SEC22A: variants seen among roughly 807,000 people sequenced by gnomAD.
SEC22A encodes SEC22 homolog A, vesicle trafficking protein, also known as vesicle-trafficking protein SEC22a.
In SEC22A, 22 loss-of-function variants were observed where a neutral mutation model predicts 35.3. That is an observed-to-expected ratio of 0.62 (90% CI 0.45 to 0.89). The LOEUF is 0.89. Among genes scored for constraint, SEC22A ranks in the 40% least tolerant of loss-of-function variants. The probability of loss-of-function intolerance (pLI) is 0.00; values close to 1 mark genes in which losing one functional copy is unlikely to be tolerated. For synonymous variants in SEC22A, 119 were observed against 129.5 expected (o/e 0.92, Z 0.55); for missense variants, 354 against 362.5 (o/e 0.98, Z 0.19).
intron 6 of SEC22A, among the ~76,000 whole-genome samples, chr3:123,264,918 A>T (rs1262885685): frequency 6.6e-6 from 1 of 151,992 alleles, no homozygotes; most frequent in Non-Finnish European, 1.5e-5. Context: ...AAGCTCTGGG[A>T]TTATAAGCGT....
intron 4 of SEC22A, among the ~76,000 whole-genome samples, chr3:123,227,603 A>G (rs576764295): frequency 1.3e-5 from 2 of 152,350 alleles, no homozygotes; most frequent in South Asian, 4.1e-4. Flanking sequence ...CTTAAAGTAT[A>G]ATAAAAAAAG....
intron 4 of SEC22A, among the ~76,000 whole-genome samples, chr3:123,239,632 A>C (rs1937489147): frequency 6.6e-6 from 1 of 152,104 alleles, no homozygotes; most frequent in Non-Finnish European, 1.5e-5. Flanking sequence ...TCTTCTTTTG[A>C]GAAGTGTATG....
At chr3:123,209,829 CTATT>C (rs1240901362) in intron 2 of SEC22A, among the ~76,000 whole-genome samples, 1 of 152,064 alleles carries the variant, frequency 6.6e-6, no homozygotes, top group African/African-American at 2.4e-5. Context: ...TAGAGAGTGA[CTATT>C]TATTGTGGTC....
At chr3:123,244,729 T>C (rs1485499695) in intron 4 of SEC22A, among the ~76,000 whole-genome samples, 1 of 152,224 alleles carries the variant, frequency 6.6e-6, no homozygotes, top group Non-Finnish European at 1.5e-5. Context: ...AAACCCGCCC[T>C]TATATTAATG....
Position 123,223,593 on chromosome 3 carries a change from T to G in SEC22A, c.217T>G (p.Leu73Val). ...ISSLGVSYMM[L>V]CTENYPNVLA... ...CTCTCTGGGAGTGAGCTACATGATG[T>G]TGTGCACTGAAAATTACCCAAATGT... The change falls in exon 3 of 7, where the codon TTG (leucine) becomes GTG (valine). Residue 73 changes from leucine to valine, a missense_variant. By Grantham distance (32) the Leu-to-Val change is conservative. Transcript: ENST00000492595. The G allele has an allele frequency of 6.2e-7, 1 of 1,613,826 alleles. No individual in the cohort carries two copies. Among genetic ancestry groups the G allele is most frequent in the South Asian group, 1.1e-5 (1 of 91,070 alleles).
chr3:123,233,237 C>A (rs982390775), intron 4 of SEC22A, among the ~76,000 whole-genome samples: 6 of 152,114 alleles, frequency 3.9e-5, no homozygotes, highest in African/African-American at 1.2e-4. Context: ...TTTACTGCAC[C>A]TTTTCTATGT....
chr3:123,221,197 G>A (rs750636142), intron 2 of SEC22A, among the ~76,000 whole-genome samples: 3 of 151,776 alleles, frequency 2.0e-5, no homozygotes, highest in Non-Finnish European at 2.9e-5. Flanking sequence ...TAGGCCGGGC[G>A]TGGTGACTTA....
rs1936899013 is a variant in SEC22A, at chr3:123,209,290, G to A, written c.73G>A (p.Glu25Lys). 1.2e-6 allele frequency: 2 copies of A among 1,614,052 alleles called. No individual in the cohort carries two copies. The highest frequency in any genetic ancestry group is 1.7e-6 in the Non-Finnish European group (2 of 1,179,976). Residue 25 changes from glutamate (E) to lysine (K), a missense_variant, in exon 2 of 7, where the codon GAA becomes AAA. Physicochemically the swap from Glu to Lys is moderately conservative, Grantham distance 56. Coordinates refer to ENST00000492595, the MANE Select transcript of SEC22A (RefSeq NM_012430.5). ...GLPLSASTDY[E>K]QSTGMQECRK... ...GCCACTTTCTGCTTCTACTGATTAT[G>A]AACAAAGCACAGGAATGCAGGAGTG...
chr3:123,258,753 C>A (rs1937802831), intron 5 of SEC22A, among the ~76,000 whole-genome samples: 1 of 150,746 alleles, frequency 6.6e-6, no homozygotes, highest in African/African-American at 2.4e-5. Flanking sequence ...AGAAAAGGGC[C>A]AAATTAATGT....
intron 5 of SEC22A, among the ~76,000 whole-genome samples, chr3:123,256,594 T>C (rs1032993329): frequency 6.6e-6 from 1 of 152,118 alleles, no homozygotes; most frequent in Non-Finnish European, 1.5e-5. Context: ...CTTTCTTTTT[T>C]CTCTATGCAG....
intron 6 of SEC22A, among the ~76,000 whole-genome samples, chr3:123,270,722 G>A (rs1938140528): frequency 6.6e-6 from 1 of 152,174 alleles, no homozygotes; most frequent in African/African-American, 2.4e-5. Context: ...GAAAAATAAA[G>A]CAGTAAAGGG....
chr3:123,252,854 G>A (rs1194174033), intron 5 of SEC22A, among the ~76,000 whole-genome samples: 1 of 151,966 alleles, frequency 6.6e-6, no homozygotes, highest in Non-Finnish European at 1.5e-5. Context: ...GCTTAGGATG[G>A]GTATAGTTTT....
chr3:123,207,691 T>G (rs1936873983), intron 1 of SEC22A, among the ~76,000 whole-genome samples: 1 of 152,254 alleles, frequency 6.6e-6, no homozygotes, highest in Non-Finnish European at 1.5e-5. Flanking sequence ...CATTTTTAAC[T>G]AAACTTTCAA....
chr3:123,239,987 C>G (rs1937499642), intron 4 of SEC22A, among the ~76,000 whole-genome samples: 1 of 152,096 alleles, frequency 6.6e-6, no homozygotes, highest in Non-Finnish European at 1.5e-5. Context: ...TAGGTTCTAT[C>G]TCTGGTTGTC....
Position 123,269,179 on chromosome 3 carries a change from A to ATGTGTG in SEC22A, c.724-2311_724-2306dup, listed in dbSNP as rs200267944. 7.6e-3 allele frequency among the ~76,000 whole-genome samples: 916 copies of ATGTGTG among 120,700 alleles called. 6 individuals carry two copies. The highest frequency in any genetic ancestry group is 0.026 in the East Asian group (117 of 4,430). 79.2% of individuals were successfully genotyped at this position (120,700 alleles called of 152,430 possible). On this transcript the variant is annotated intron_variant, in intron 6 of 6. Coordinates refer to ENST00000492595, the MANE Select transcript of SEC22A (RefSeq NM_012430.5). The stretch of plus-strand genomic sequence containing the variant: ...CCTTGGAAAACCTTGAATTAAATAT[A>ATGTGTG]TGTGTGTGTGTGTGTGTGTGTGTGT...
chr3:123,267,086 G>C (rs995012479), intron 6 of SEC22A, among the ~76,000 whole-genome samples: 6 of 151,782 alleles, frequency 4.0e-5, no homozygotes, highest in Non-Finnish European at 8.8e-5. Context: ...GCTTTCTTTT[G>C]ATTACTGTTT....
chr3:123,259,709 A>G, intron 6 of SEC22A, 120 bp downstream of exon 6: 1 of 734,056 alleles, frequency 1.4e-6, no homozygotes, highest in South Asian at 1.8e-5. Context: ...TTCTCTTTTA[A>G]TTTGAGCCTC....
At chr3:123,228,885 C>T (rs9820059) in intron 4 of SEC22A, among the ~76,000 whole-genome samples, 29,887 of 151,608 alleles carry the variant, frequency 0.2, 3,046 homozygotes, top group Middle Eastern at 0.28. Context: ...ACTAGAAGGG[C>T]GTAACAATAG....
intron 2 of SEC22A, among the ~76,000 whole-genome samples, chr3:123,221,164 A>G (rs1284985072): frequency 1.3e-5 from 2 of 151,788 alleles, no homozygotes; most frequent in Non-Finnish European, 1.5e-5. Flanking sequence ...ATGGATCAGA[A>G]TTTTACAGTA....
Sources: allele counts gnomAD v4.1 joint callset (sites outside exome capture counted in the v4.1 genomes callset), GRCh38; gene constraint gnomAD v4.1.1; transcripts MANE v1.5; gene names NCBI Gene and HGNC (gene_info 2026-07-23, HGNC 2026-07-21).